The following AADACL4 variants were observed in gnomAD, a reference collection of about 807,000 sequenced individuals.
AADACL4 encodes arylacetamide deacetylase like 4, also known as arylacetamide deacetylase-like 4.
A neutral mutation model predicts 14.1 loss-of-function variants in AADACL4; 9 were observed. The ratio of observed to expected loss-of-function variants is 0.64; its 90% CI spans 0.39 to 1.12. The LOEUF is 1.12. Ranked by LOEUF, AADACL4 falls within the 50% of genes most tolerant of loss-of-function variation. AADACL4 has a pLI of 0.01. For synonymous variants in AADACL4, 188 were observed against 201.6 expected (o/e 0.93, Z 0.57); for missense variants, 531 against 516.1 (o/e 1.03, Z -0.28).
chr1:12,647,491 T>A (rs1647118914), intron 1 of AADACL4, among the ~76,000 whole-genome samples: 1 of 152,178 alleles, frequency 6.6e-6, no homozygotes, highest in Non-Finnish European at 1.5e-5. Context: ...AAAGTCTCGA[T>A]AAAAGTCAAT....
intron 3 of AADACL4, among the ~76,000 whole-genome samples, chr1:12,663,340 C>T (rs769903061): frequency 3.3e-5 from 5 of 152,224 alleles, no homozygotes; most frequent in Admixed American, 6.5e-5. Context: ...ATCAGGGTGT[C>T]AGCATGGTCA....
At chr1:12,664,251 T>C (rs530847950) in intron 3 of AADACL4, among the ~76,000 whole-genome samples, 76 of 152,380 alleles carry the variant, frequency 5.0e-4, no homozygotes, top group African/African-American at 1.7e-3. Context: ...TTTGTCGTTC[T>C]AAGTTGAAAG....
At chr1:12,654,659 A>G (rs998780946) in intron 2 of AADACL4, among the ~76,000 whole-genome samples, 2 of 152,228 alleles carry the variant, frequency 1.3e-5, no homozygotes, top group Admixed American at 6.5e-5. Context: ...AATAGCCACA[A>G]ACCTTCTTGG....
At chr1:12,660,712 C>T (rs1235276980) in intron 2 of AADACL4, among the ~76,000 whole-genome samples, 5 of 152,114 alleles carry the variant, frequency 3.3e-5, no homozygotes, top group African/African-American at 7.2e-5. Flanking sequence ...GGCATGATCT[C>T]GGCTCACTGC....
At chr1:12,654,784 C>T (rs1210038645) in intron 2 of AADACL4, among the ~76,000 whole-genome samples, 1 of 152,308 alleles carries the variant, frequency 6.6e-6, no homozygotes, top group Non-Finnish European at 1.5e-5. Context: ...AACAGTTTAT[C>T]TAAATAGCTT....
At chr1:12,653,632 G>C (rs59876359) in intron 2 of AADACL4, among the ~76,000 whole-genome samples, 6,429 of 152,218 alleles carry the variant, frequency 0.042, 429 homozygotes, top group African/African-American at 0.14. Context: ...AGTAATGAGC[G>C]CAAATCCTGG....
Position 12,651,186 on chromosome 1 carries a change from A to T in AADACL4, c.232A>T (p.Ser78Cys), listed in dbSNP as rs144096970. Residue 78 changes from serine to cysteine, a missense_variant, in exon 2 of 4, where the codon AGC becomes TGC. By Grantham distance (112) the Ser-to-Cys change is moderately radical (BLOSUM62 -1). Coordinates refer to ENST00000376221, the MANE Select transcript of AADACL4 (RefSeq NM_001013630.2). ...CAAATTTATTCGTTTTTTACATGAT[A>T]GCGTGAGAATTAAAAAGGACCCTGA... Reference protein sequence around the residue: ...MPKFIRFLHDSVRIKKDPELV... With the variant: ...MPKFIRFLHDCVRIKKDPELV... 107 of 1,614,116 alleles carry T rather than the reference A, an allele frequency of 6.6e-5. No individual in the cohort carries two copies. Among genetic ancestry groups the T allele is most frequent in the Non-Finnish European group, 8.4e-5 (99 of 1,180,052 alleles).
At chr1:12,657,186 A>AACC (rs1234077698) in intron 2 of AADACL4, among the ~76,000 whole-genome samples, 37 of 151,368 alleles carry the variant, frequency 2.4e-4, no homozygotes, top group African/African-American at 8.8e-4. Flanking sequence ...AAAACCCCAA[A>AACC]CTACTCTGTG....
intron 2 of AADACL4, among the ~76,000 whole-genome samples, chr1:12,658,277 G>A (rs144159337): frequency 3.2e-3 from 427 of 134,810 alleles, no homozygotes; most frequent in African/African-American, 0.011. Context: ...TCTTTCTTTC[G>A]AAACAGAGTC....
intron 2 of AADACL4, among the ~76,000 whole-genome samples, chr1:12,655,115 T>C (rs1363436946): frequency 6.6e-6 from 1 of 152,060 alleles, no homozygotes; most frequent in African/African-American, 2.4e-5. Flanking sequence ...CATTCCGACA[T>C]AATTAGAAAC....
intron 2 of AADACL4, among the ~76,000 whole-genome samples, chr1:12,658,054 TTCC>T (rs1231888676): frequency 6.6e-6 from 1 of 150,828 alleles, no homozygotes; most frequent in Admixed American, 6.6e-5. Context: ...CCTTCCTTCC[TTCC>T]TTTCTTTTTC....
intron 2 of AADACL4, among the ~76,000 whole-genome samples, chr1:12,657,549 C>G (rs555626490): frequency 2.6e-5 from 4 of 151,990 alleles, no homozygotes. Flanking sequence ...GGTGAAAGTA[C>G]GGAGATTTAT....
rs1370470037 is a variant in AADACL4, at chr1:12,651,217, T to C, written c.263T>C (p.Val88Ala). The change falls in exon 2 of 4, where the codon GTG (valine) becomes GCG (alanine). Residue 88 changes from valine to alanine, a missense_variant. Coordinates refer to ENST00000376221, the MANE Select transcript of AADACL4 (RefSeq NM_001013630.2). ...SVRIKKDPEL[V>A]VTDLRFGTIP... is the part of the protein sequence containing the mutation. Reference sequence around the variant, plus strand: ...AGAATTAAAAAGGACCCTGAACTTGTGGTGACCGACCTGCGTTTTGGGACG... The same window carrying C: ...AGAATTAAAAAGGACCCTGAACTTGCGGTGACCGACCTGCGTTTTGGGACG... 1.2e-6 allele frequency: 2 copies of C among 1,614,254 alleles called. No homozygotes were observed.
intron 2 of AADACL4, among the ~76,000 whole-genome samples, chr1:12,658,061 CTTTTTCTCTT>C (rs1351975941): frequency 7.0e-6 from 1 of 142,564 alleles, no homozygotes; most frequent in African/African-American, 2.9e-5. Context: ...TCCTTCCTTT[CTTTTTCTCTT>C]TCTTTCTTTC....
intron 3 of AADACL4, among the ~76,000 whole-genome samples, chr1:12,664,863 C>A (rs1442118055): frequency 6.6e-6 from 1 of 152,096 alleles, no homozygotes; most frequent in Non-Finnish European, 1.5e-5. Flanking sequence ...TTTAAAAGCT[C>A]ATTTTAAAGT....
intron 1 of AADACL4, among the ~76,000 whole-genome samples, chr1:12,648,825 C>CAAACCA (rs1041656886): frequency 6.6e-6 from 1 of 152,102 alleles, no homozygotes; most frequent in African/African-American, 2.4e-5. Context: ...ATTGGAAAAC[C>CAAACCA]AAACCAAAAC....
chr1:12,663,571 G>T (rs764494873), intron 3 of AADACL4, among the ~76,000 whole-genome samples: 1 of 152,096 alleles, frequency 6.6e-6, no homozygotes, highest in Admixed American at 6.6e-5. Flanking sequence ...AATTTTAGGG[G>T]GACACACACA....
Position 12,656,011 on chromosome 1 carries a change from A to G in AADACL4, c.385+4672A>G, listed in dbSNP as rs144540060. Among the ~76,000 whole-genome samples, 105 of 152,274 alleles carry G rather than the reference A, an allele frequency of 6.9e-4. 1 individual carries two copies. In the South Asian group the frequency reaches 0.01, roughly 15 times the overall value. ...CATTGCACCCTATTTTCCAACTTAT[A>G]TTGGGGCCAAATGGTGTTATAGAAA... On this transcript the variant is annotated intron_variant, in intron 2 of 3. Coordinates refer to ENST00000376221, the MANE Select transcript of AADACL4 (RefSeq NM_001013630.2).
rs144735532 is a variant in AADACL4, at chr1:12,645,350, A to C, written c.168+636A>C. Among the ~76,000 whole-genome samples the C allele has an allele frequency of 1.5e-3, 216 of 140,136 alleles. 4 individuals are homozygous for C. The highest frequency in any genetic ancestry group is 8.8e-3 in the East Asian group (42 of 4,792). The allele number at this position is 140,136 out of a possible 152,430, so 91.9% of individuals were successfully genotyped here. A position where few individuals can be genotyped will look rare whatever the true frequency, so the allele number is the denominator to read the frequency against. On this transcript the variant is annotated intron_variant, in intron 1 of 3. Coordinates refer to ENST00000376221, the MANE Select transcript of AADACL4 (RefSeq NM_001013630.2). ...TTCCTTCCTCTCTCCTGCTCTCTCT[A>C]ACTCCCTTCCTTTCTTCCTTTAGCA...
Sources: gnomAD v4.1 joint callset for allele counts (sites outside exome capture counted in the v4.1 genomes callset) on GRCh38, gnomAD v4.1.1 for gene constraint, MANE v1.5 for transcripts, NCBI Gene and HGNC (gene_info 2026-07-23, HGNC 2026-07-21) for gene names.